The following PLCL1 variants were observed in gnomAD, a reference collection of about 807,000 sequenced individuals.
The protein encoded by PLCL1 is inactive phospholipase C-like protein 1.
PLCL1 carries 41 observed loss-of-function variants against 84.4 expected under a neutral mutation model. The ratio of observed to expected loss-of-function variants is 0.49; its 90% confidence interval spans 0.38 to 0.63. The LOEUF is 0.63. Ranked by LOEUF, PLCL1 falls within the 30% of genes least tolerant of loss-of-function variation. PLCL1 has a pLI of 0.00. For missense variants in PLCL1, 1,206 were observed against 1,367.8 expected, an observed-to-expected ratio of 0.88 and a Z score of 1.87; for synonymous variants, 490 against 488.3, an observed-to-expected ratio of 1.00 and a Z score of -0.05.
At chr2:197,951,958 G>A (rs1001837404) in intron 1 of PLCL1, among the ~76,000 whole-genome samples, 1 of 152,124 alleles carries the variant, frequency 6.6e-6, no homozygotes, top group African/African-American at 2.4e-5. Context: ...TGTCTCTTTT[G>A]ATTAGCAGGA....
chr2:197,903,993 G>C (rs553682558), intron 1 of PLCL1, among the ~76,000 whole-genome samples: 1 of 150,844 alleles, frequency 6.6e-6, no homozygotes, highest in East Asian at 2.0e-4. Flanking sequence ...AGTAGAGACG[G>C]TGTTTCACCA....
intron 3 of PLCL1, among the ~76,000 whole-genome samples, chr2:198,090,826 G>A (rs1392208957): frequency 6.6e-6 from 1 of 152,166 alleles, no homozygotes; most frequent in Non-Finnish European, 1.5e-5. Flanking sequence ...CATGGCCAGG[G>A]AGGTCCCTGA....
intron 1 of PLCL1, among the ~76,000 whole-genome samples, chr2:198,037,410 G>A (rs928780538): frequency 2.0e-5 from 3 of 152,194 alleles, no homozygotes; most frequent in Non-Finnish European, 4.4e-5. Flanking sequence ...TTAATGTCCT[G>A]CAATAAAGGA....
intron 1 of PLCL1, among the ~76,000 whole-genome samples, chr2:197,892,380 T>C (rs1022743763): frequency 3.3e-5 from 5 of 152,146 alleles, no homozygotes; most frequent in African/African-American, 1.2e-4. Context: ...TGATCCTAAA[T>C]TGAATGCCTG....
In PLCL1 at chr2:198,033,745, G is replaced by A. The variant is rs567723260; in HGVS notation, c.241-50013G>A. Reference sequence around the variant, plus strand: ...TTAACTTTCCTGATTCTCCGTTTACGTGATTTATTGCTGCTGCCTCTTTCT... The same window carrying A: ...TTAACTTTCCTGATTCTCCGTTTACATGATTTATTGCTGCTGCCTCTTTCT... On this transcript the variant is annotated intron_variant, in intron 1 of 5. Transcript: ENST00000428675. Among the ~76,000 whole-genome samples, 10 of 152,140 alleles carry A rather than the reference G, an allele frequency of 6.6e-5. No homozygotes were observed. In the South Asian group the frequency reaches 1.5e-3, roughly 22 times the overall value.
At chr2:197,993,117 C>T (rs1690376447) in intron 1 of PLCL1, among the ~76,000 whole-genome samples, 1 of 152,144 alleles carries the variant, frequency 6.6e-6, no homozygotes, top group Non-Finnish European at 1.5e-5. Context: ...TACCATTTTA[C>T]ATTCCCATGG....
chr2:198,138,543 AT>A (rs1235419374), intron 5 of PLCL1, among the ~76,000 whole-genome samples: 17 of 152,260 alleles, frequency 1.1e-4, no homozygotes, highest in African/African-American at 3.9e-4. Flanking sequence ...ATATTAATTA[AT>A]TATTATTATT....
intron 1 of PLCL1, among the ~76,000 whole-genome samples, chr2:197,888,981 A>T (rs1296994753): frequency 6.6e-6 from 1 of 152,236 alleles, no homozygotes; most frequent in African/African-American, 2.4e-5. Context: ...GTCAGTGGAA[A>T]AATTTGCTAA....
chr2:197,868,361 A>G (rs1363642906), intron 1 of PLCL1, among the ~76,000 whole-genome samples: 6 of 152,190 alleles, frequency 3.9e-5, no homozygotes, highest in African/African-American at 1.4e-4. Context: ...GGCAAGAAAC[A>G]GGTAGGAAGC....
At chr2:198,086,255 C>T in intron 2 of PLCL1, 23 bp downstream of exon 2, 5 of 1,444,716 alleles carry the variant, frequency 3.5e-6, no homozygotes, top group South Asian at 1.2e-5. Context: ...CTCACACTCT[C>T]CTTCCCTATC....
At chr2:197,816,760 C>T (rs1211609324) in intron 1 of PLCL1, among the ~76,000 whole-genome samples, 4 of 152,118 alleles carry the variant, frequency 2.6e-5, no homozygotes, top group Non-Finnish European at 5.9e-5. Flanking sequence ...AGAGATGATG[C>T]TATATGGTCA....
intron 1 of PLCL1, among the ~76,000 whole-genome samples, chr2:198,074,207 T>C (rs777596736): frequency 2.6e-4 from 39 of 152,210 alleles, no homozygotes; most frequent in Non-Finnish European, 4.6e-4. Context: ...AAATTGACTA[T>C]TTTTCAAACT....
At chr2:198,046,674 C>A (rs896320440) in intron 1 of PLCL1, among the ~76,000 whole-genome samples, 4 of 151,874 alleles carry the variant, frequency 2.6e-5, no homozygotes, top group African/African-American at 9.7e-5. Flanking sequence ...CCTGTCTCTA[C>A]AAAAAGTACA....
intron 1 of PLCL1, among the ~76,000 whole-genome samples, chr2:198,063,377 T>C (rs188193862): frequency 2.0e-5 from 3 of 152,090 alleles, no homozygotes; most frequent in Non-Finnish European, 4.4e-5. Flanking sequence ...AATAACTGTG[T>C]CCTAGAATAA....
intron 1 of PLCL1, among the ~76,000 whole-genome samples, chr2:197,902,866 T>G (rs1688295342): frequency 6.6e-6 from 1 of 152,188 alleles, no homozygotes; most frequent in African/African-American, 2.4e-5. Flanking sequence ...TTACAAGCTT[T>G]AGTTTCAGAG....
At chr2:197,971,162 A>G (rs1559060373) in intron 1 of PLCL1, among the ~76,000 whole-genome samples, 2 of 152,186 alleles carry the variant, frequency 1.3e-5, no homozygotes, top group Non-Finnish European at 2.9e-5. Context: ...AATATCTGCC[A>G]CTTAGGATAT....
At chr2:197,906,156 A>G (rs1688378015) in intron 1 of PLCL1, among the ~76,000 whole-genome samples, 1 of 152,212 alleles carries the variant, frequency 6.6e-6, no homozygotes, top group Middle Eastern at 3.4e-3. Flanking sequence ...TATGTCCTGA[A>G]TGGTATTGCC....
intron 5 of PLCL1, among the ~76,000 whole-genome samples, chr2:198,130,119 C>T (rs909613086): frequency 6.6e-6 from 1 of 152,042 alleles, no homozygotes; most frequent in African/African-American, 2.4e-5. Flanking sequence ...TTCAGCCTCC[C>T]AAGTAGCTGG....
chr2:197,892,018 G>A (rs1688039519), intron 1 of PLCL1, among the ~76,000 whole-genome samples: 1 of 152,092 alleles, frequency 6.6e-6, no homozygotes, highest in Non-Finnish European at 1.5e-5. Flanking sequence ...TAAGACTTCA[G>A]GAAGCTCACT....
Sources: gnomAD v4.1 joint callset for allele counts (sites outside exome capture counted in the v4.1 genomes callset) on GRCh38, gnomAD v4.1.1 for gene constraint, MANE v1.5 for transcripts, NCBI Gene and HGNC (gene_info 2026-07-23, HGNC 2026-07-21) for gene names.